SMYD2: variants seen among roughly 807,000 people sequenced by gnomAD.
SMYD2 encodes N-lysine methyltransferase SMYD2.
Under a neutral mutation model 59.1 loss-of-function variants are expected in SMYD2, and 53 were observed. The observed-to-expected ratio is 0.90, with a 90% confidence interval of 0.72 to 1.13. The LOEUF is 1.13. SMYD2 is among the 50% of genes most tolerant of loss of function. The pLI, the probability that SMYD2 is intolerant of heterozygous loss-of-function variation, is 0.00. For synonymous variants in SMYD2, 208 were observed against 198.8 expected (o/e 1.05, Z -0.39); for missense variants, 494 against 544.7 (o/e 0.91, Z 0.93).
At chr1:214,296,135 A>G (rs1408085774) in intron 1 of SMYD2, among the ~76,000 whole-genome samples, 1 of 152,258 alleles carries the variant, frequency 6.6e-6, no homozygotes, top group Non-Finnish European at 1.5e-5. Context: ...AGTAGCAGAA[A>G]GTAGGGAGCT....
At chr1:214,321,507 G>T (rs138716509) in intron 5 of SMYD2, among the ~76,000 whole-genome samples, 1 of 152,158 alleles carries the variant, frequency 6.6e-6, no homozygotes, top group Non-Finnish European at 1.5e-5. Flanking sequence ...ACATGCCACC[G>T]GTCCCACCTC....
chr1:214,319,875 T>C (rs1176923696), intron 5 of SMYD2, among the ~76,000 whole-genome samples: 1 of 152,246 alleles, frequency 6.6e-6, no homozygotes, highest in Non-Finnish European at 1.5e-5. Context: ...AGAGATGAAG[T>C]GGACACCTCC....
chr1:214,287,136 A>G (rs1005516425), intron 1 of SMYD2, among the ~76,000 whole-genome samples: 7 of 151,858 alleles, frequency 4.6e-5, no homozygotes, highest in Non-Finnish European at 7.4e-5. Flanking sequence ...GCCTGATCTC[A>G]TACTTGTTTG....
In SMYD2 at chr1:214,330,510, G is replaced by A. The variant is rs12067896; in HGVS notation, c.816+232G>A. On this transcript the variant is annotated intron_variant, in intron 8 of 11. Coordinates refer to ENST00000366957, the MANE Select transcript of SMYD2 (RefSeq NM_020197.3). ...TGTACAAACAGGAGAAAGGTCTGCC[G>A]AACTGCTCTTTCTTGAAAAGAAACA... Among the ~76,000 whole-genome samples, 742 of 152,262 alleles carry A rather than the reference G, an allele frequency of 4.9e-3. 5 individuals carry two copies. The highest frequency in any genetic ancestry group is 0.017 in the African/African-American group (710 of 41,550).
chr1:214,335,042 C>T (rs1361426601), intron 11 of SMYD2, among the ~76,000 whole-genome samples: 3 of 152,214 alleles, frequency 2.0e-5, no homozygotes, highest in Non-Finnish European at 4.4e-5. Flanking sequence ...AGTCATCATC[C>T]TGAGTATTGA....
intron 1 of SMYD2, among the ~76,000 whole-genome samples, chr1:214,287,849 A>G (rs1381682624): frequency 6.6e-6 from 1 of 152,206 alleles, no homozygotes; most frequent in Non-Finnish European, 1.5e-5. Flanking sequence ...AAGAAAACAG[A>G]ATTTTCCACA....
chr1:214,293,981 T>G (rs1188865656), intron 1 of SMYD2, among the ~76,000 whole-genome samples: 2 of 143,586 alleles, frequency 1.4e-5, no homozygotes, highest in East Asian at 4.0e-4. Context: ...CAGCCACTCA[T>G]TTTTTTTTTT....
intron 5 of SMYD2, 132 bp downstream of exon 5, chr1:214,319,115 A>G (rs111295004): frequency 3.9e-5 from 47 of 1,217,714 alleles, no homozygotes; most frequent in African/African-American, 6.1e-5. Flanking sequence ...CTCTGAGCCA[A>G]TTGGACCGTG....
intron 5 of SMYD2, among the ~76,000 whole-genome samples, chr1:214,320,395 G>A (rs903882210): frequency 6.6e-6 from 1 of 152,184 alleles, no homozygotes; most frequent in Non-Finnish European, 1.5e-5. Context: ...TCTACAGTGA[G>A]CATGTATAAC....
Position 214,318,813 on chromosome 1 carries a change from A to C in SMYD2, c.410-46A>C, listed in dbSNP as rs756784564. 6.2e-7 allele frequency: 1 copy of C among 1,602,254 alleles called. No homozygotes were observed. Among genetic ancestry groups the C allele is most frequent in the Non-Finnish European group, 8.5e-7 (1 of 1,174,784 alleles). Reference sequence around the variant, plus strand: ...ACAGCAAAAATAGGATGTAGCTAGAAATCCCACGCTTTCTACTGGGTGAAT... The same window carrying C: ...ACAGCAAAAATAGGATGTAGCTAGACATCCCACGCTTTCTACTGGGTGAAT... On this transcript the variant is annotated intron_variant, in intron 4 of 11. Coordinates refer to ENST00000366957, the MANE Select transcript of SMYD2 (RefSeq NM_020197.3). The surrounding 1 kb of genome is among the most constrained non-coding windows in gnomAD (Gnocchi z 5.4).
In SMYD2 at chr1:214,332,090, T is replaced by C. The variant is rs1383732834; in HGVS notation, c.1010T>C (p.Val337Ala). 1 of 1,614,054 alleles carries C rather than the reference T, an allele frequency of 6.2e-7. No homozygotes were observed. The highest frequency in any genetic ancestry group is 1.3e-5 in the African/African-American group (1 of 74,922). ...AGCTCTGTGTTTGAGGACAGTAACG[T>C]GTACATGTTGCACATGATGTACCAG... ...KMSSVFEDSNVYMLHMMYQAM... is the reference protein window; with the variant it reads ...KMSSVFEDSNAYMLHMMYQAM... Residue 337 changes from valine to alanine, a missense_variant, in exon 10 of 12, where the codon GTG becomes GCG. Val to Ala is a moderately conservative substitution (Grantham distance 64). Transcript: ENST00000366957.
chr1:214,335,908 A>G (rs1657428243), intron 11 of SMYD2, among the ~76,000 whole-genome samples: 1 of 152,192 alleles, frequency 6.6e-6, no homozygotes, highest in Non-Finnish European at 1.5e-5. Context: ...AGTTTTTAGA[A>G]TATGTATTAA....
At chr1:214,299,995 G>T (rs1258608886) in intron 1 of SMYD2, among the ~76,000 whole-genome samples, 1 of 152,210 alleles carries the variant, frequency 6.6e-6, no homozygotes, top group African/African-American at 2.4e-5. Flanking sequence ...AGGAAGGAGA[G>T]AGGGGAGGGA....
At chr1:214,294,177 T>C (rs915955675) in intron 1 of SMYD2, among the ~76,000 whole-genome samples, 7 of 152,142 alleles carry the variant, frequency 4.6e-5, no homozygotes, top group African/African-American at 1.7e-4. Flanking sequence ...TCAATAAGGA[T>C]TGAAAGAAAA....
At chr1:214,311,520 T>C (rs917908960) in intron 2 of SMYD2, among the ~76,000 whole-genome samples, 6 of 152,188 alleles carry the variant, frequency 3.9e-5, no homozygotes, top group African/African-American at 1.4e-4. Flanking sequence ...GCTGCTTCGC[T>C]GCGAGTGGGG....
At chr1:214,334,603 C>T (rs1266444728) in intron 11 of SMYD2, among the ~76,000 whole-genome samples, 4 of 152,118 alleles carry the variant, frequency 2.6e-5, no homozygotes, top group Admixed American at 2.6e-4. Flanking sequence ...ATTTGTTTGA[C>T]CTTTGGGATT....
chr1:214,334,189 T>A lies in SMYD2; in HGVS notation c.1113-11T>A, dbSNP rs1200284764. ...TGACATGGTGGCCTGTTGTCTCTTC[T>A]CTTGTTCTAGTAAGCACTATCCTTT... On this transcript the variant is annotated splice_polypyrimidine_tract_variant and intron_variant, in intron 10 of 11. Transcript: ENST00000366957. The A allele has an allele frequency of 2.5e-6, 4 of 1,612,064 alleles. No homozygotes were observed. In the African/African-American group the frequency reaches 5.3e-5, roughly 22 times the overall value.
rs563547045 is a variant in SMYD2 at position 214,318,232 on chromosome 1, T to G, written c.409+93T>G. On this transcript the variant is annotated intron_variant, in intron 4 of 11. Coordinates refer to ENST00000366957, the MANE Select transcript of SMYD2 (RefSeq NM_020197.3). The surrounding 1 kb of genome is among the most constrained non-coding windows in gnomAD (Gnocchi z 5.4). Reference sequence around the variant, plus strand: ...GAAGCGAGGACGGGCTAGTTTGTGCTCAGAGGAGTAGTGATTTCTTTGATT... The same window carrying G: ...GAAGCGAGGACGGGCTAGTTTGTGCGCAGAGGAGTAGTGATTTCTTTGATT... 1.6e-4 allele frequency: 192 copies of G among 1,178,510 alleles called. No homozygotes were observed. The African/African-American group carries it at 2.7e-3, about 17-fold the overall frequency. 73.0% of individuals were successfully genotyped at this position (1,178,510 alleles called of 1,614,324 possible).
intron 2 of SMYD2, among the ~76,000 whole-genome samples, 154 bp downstream of exon 2, chr1:214,305,404 G>T (rs578154960): frequency 6.6e-6 from 1 of 152,262 alleles, no homozygotes; most frequent in African/African-American, 2.4e-5. Context: ...CGACCTCACA[G>T]GCGGCCAGTG....
Sources: gnomAD v4.1 joint callset for allele counts (sites outside exome capture counted in the v4.1 genomes callset) on GRCh38, gnomAD v4.1.1 for gene constraint, Gnocchi (gnomAD v3.1) non-coding constraint, MANE v1.5 for transcripts, NCBI Gene and HGNC (gene_info 2026-07-23, HGNC 2026-07-21) for gene names.